The following PTPRN2 variants were observed in gnomAD, a reference collection of about 807,000 sequenced individuals.
The protein encoded by PTPRN2 is protein tyrosine phosphatase receptor type N2, also known as receptor-type tyrosine-protein phosphatase N2.
In PTPRN2, 74 loss-of-function variants were observed where a neutral mutation model predicts 118.8. The observed-to-expected ratio is 0.62, with a 90% CI of 0.52 to 0.76. The LOEUF (loss-of-function observed/expected upper bound fraction) is 0.76. PTPRN2 is among the 30% of genes least tolerant of loss of function. The probability of loss-of-function intolerance (pLI) is 0.00; values close to 1 mark genes in which losing one functional copy is unlikely to be tolerated. For synonymous variants in PTPRN2, 641 were observed against 608.0 expected (o/e 1.05, Z -0.80); for missense variants, 1,481 against 1,394.4 (o/e 1.06, Z -0.99).
At chr7:158,319,876 C>T (rs139777195) in intron 2 of PTPRN2, among the ~76,000 whole-genome samples, 304 of 3,364 alleles carry the variant, frequency 0.09, 101 homozygotes, top group Middle Eastern at 0.5. Flanking sequence ...CAGCCTCCCT[C>T]GTACACAGCC....
At chr7:157,762,846 C>T (rs1288382873) in intron 12 of PTPRN2, among the ~76,000 whole-genome samples, 1 of 152,200 alleles carries the variant, frequency 6.6e-6, no homozygotes, top group African/African-American at 2.4e-5. Context: ...GGTATCAGGG[C>T]CCCCCTTGGG....
intron 11 of PTPRN2, among the ~76,000 whole-genome samples, chr7:158,009,131 CG>C (rs1805865877): frequency 2.0e-5 from 3 of 152,060 alleles, no homozygotes; most frequent in Non-Finnish European, 2.9e-5. Flanking sequence ...ACCTGGTGCC[CG>C]TGACCGACCC....
intron 3 of PTPRN2, among the ~76,000 whole-genome samples, chr7:158,290,589 G>T (rs1003587030): frequency 1.3e-5 from 2 of 152,170 alleles, no homozygotes; most frequent in African/African-American, 4.8e-5. Context: ...GGTTTAACTT[G>T]GTTGGTGGGG....
intron 12 of PTPRN2, among the ~76,000 whole-genome samples, chr7:157,683,279 C>G (rs977260222): frequency 3.9e-5 from 6 of 152,142 alleles, no homozygotes; most frequent in African/African-American, 1.4e-4. Context: ...CCGGGCACAG[C>G]AGTTTGTCCA....
At chr7:157,723,273 T>A (rs1012110937) in intron 12 of PTPRN2, among the ~76,000 whole-genome samples, 5 of 152,152 alleles carry the variant, frequency 3.3e-5, no homozygotes, top group Admixed American at 3.3e-4. Flanking sequence ...GGCACCAGAA[T>A]GTCCACGGGG....
rs914542058 is a variant in PTPRN2, at chr7:157,550,857, T to A, written c.2903-1838A>T. On this transcript the variant is annotated intron_variant, in intron 21 of 22. Transcript: ENST00000389418. The surrounding 1 kb of genome is among the most constrained non-coding windows in gnomAD (Gnocchi z 5.2). ...TTTGCTTAATTGCTCCTTTTGGGTC[T>A]CCAAAGGCCTAAAAAGTCGACAAGG... 6.6e-6 allele frequency among the ~76,000 whole-genome samples: 1 copy of A among 152,182 alleles called. No individual in the cohort carries two copies. The highest frequency in any genetic ancestry group is 1.5e-5 in the Non-Finnish European group (1 of 68,020).
intron 2 of PTPRN2, among the ~76,000 whole-genome samples, chr7:158,440,628 C>T (rs62637546): frequency 0.48 from 69,385 of 145,002 alleles, 16,678 homozygotes; most frequent in East Asian, 0.68. Flanking sequence ...TGGAGGTGGT[C>T]GTGGTGATGA....
intron 15 of PTPRN2, among the ~76,000 whole-genome samples, chr7:157,620,322 C>T (rs1215092944): frequency 6.6e-6 from 1 of 152,222 alleles, no homozygotes; most frequent in Non-Finnish European, 1.5e-5. Context: ...AGCTTAGTGC[C>T]TCCCGTGCTG....
intron 11 of PTPRN2, among the ~76,000 whole-genome samples, chr7:157,921,282 G>C (rs1233945990): frequency 6.6e-6 from 1 of 152,206 alleles, no homozygotes. Flanking sequence ...AAGAACAAAG[G>C]ATGGAGACAG....
At chr7:158,234,878 T>C (rs1829427238) in intron 3 of PTPRN2, among the ~76,000 whole-genome samples, 1 of 152,198 alleles carries the variant, frequency 6.6e-6, no homozygotes, top group Non-Finnish European at 1.5e-5. Context: ...TTCTCCTGCC[T>C]CAGCCTCCCG....
intron 2 of PTPRN2, among the ~76,000 whole-genome samples, chr7:158,326,053 C>A (rs1440237152): frequency 1.3e-5 from 2 of 152,200 alleles, no homozygotes; most frequent in African/African-American, 4.8e-5. Context: ...TCAGGGCGCA[C>A]TTTCCAGAGA....
chr7:158,199,226 TGTTCTCAGGTTCCTG>T (rs970872440), intron 4 of PTPRN2, among the ~76,000 whole-genome samples: 1 of 152,142 alleles, frequency 6.6e-6, no homozygotes, highest in Admixed American at 6.5e-5. Context: ...GCCCTTAGCG[TGTTCTCAGGTTCCTG>T]GTTCTCAGGT....
intron 12 of PTPRN2, among the ~76,000 whole-genome samples, chr7:157,722,384 AGCCAGG>A (rs1222580150): frequency 1.3e-5 from 2 of 152,132 alleles, no homozygotes; most frequent in Admixed American, 6.5e-5. Context: ...TGTCAGATGG[AGCCAGG>A]GCCAGGGGCA....
chr7:157,638,804 C>T (rs544439009), intron 14 of PTPRN2, among the ~76,000 whole-genome samples: 33 of 152,178 alleles, frequency 2.2e-4, no homozygotes, highest in Non-Finnish European at 4.1e-4. Context: ...CACTCAGCCA[C>T]GTGGACCACC....
At chr7:158,456,443 G>T (rs1393643162) in intron 2 of PTPRN2, among the ~76,000 whole-genome samples, 4 of 151,440 alleles carry the variant, frequency 2.6e-5, no homozygotes, top group Admixed American at 1.3e-4. Context: ...GCTCTGCAGA[G>T]AACATAATGG....
intron 10 of PTPRN2, among the ~76,000 whole-genome samples, chr7:158,086,074 A>G (rs1813387887): frequency 6.6e-6 from 1 of 152,198 alleles, no homozygotes; most frequent in African/African-American, 2.4e-5. Flanking sequence ...GCTTTGAAGC[A>G]TACTGTGAAA....
intron 12 of PTPRN2, among the ~76,000 whole-genome samples, chr7:157,707,780 A>T (rs1798408325): frequency 6.6e-6 from 1 of 152,140 alleles, no homozygotes; most frequent in Non-Finnish European, 1.5e-5. Flanking sequence ...TTGTATTTTT[A>T]GTAGAGACGG....
chr7:158,448,361 CATGAAAA>C (rs1817869067), intron 2 of PTPRN2, among the ~76,000 whole-genome samples: 1 of 152,164 alleles, frequency 6.6e-6, no homozygotes, highest in East Asian at 1.9e-4. Flanking sequence ...AGTAAGTTAG[CATGAAAA>C]CCCCCCAAAA....
At chr7:158,285,443 G>A (rs141437057) in intron 3 of PTPRN2, among the ~76,000 whole-genome samples, 1 of 152,244 alleles carries the variant, frequency 6.6e-6, no homozygotes, top group African/African-American at 2.4e-5. Context: ...CAACTCTCCC[G>A]CCCAACCCCA....
Sources: allele counts gnomAD v4.1 joint callset (sites outside exome capture counted in the v4.1 genomes callset), GRCh38; gene constraint gnomAD v4.1.1; non-coding constraint Gnocchi (gnomAD v3.1); transcripts MANE v1.5; gene names NCBI Gene and HGNC (gene_info 2026-07-23, HGNC 2026-07-21).